SAXO1: variants seen among roughly 807,000 people sequenced by gnomAD.
SAXO1 encodes stabilizer of axonemal microtubules 1.
Under a neutral mutation model 17.5 loss-of-function variants are expected in SAXO1, and 21 were observed. The ratio of observed to expected loss-of-function variants is 1.20; its 90% CI spans 0.85 to 1.72. SAXO1 has a LOEUF of 1.72. SAXO1 is among the 40% of genes most tolerant of loss of function. The probability of loss-of-function intolerance (pLI) is 0.00; values close to 1 mark genes in which losing one functional copy is unlikely to be tolerated. For missense variants in SAXO1, 843 were observed against 596.0 expected, an observed-to-expected ratio of 1.41 and a Z score of -4.32; for synonymous variants, 274 against 216.5, an observed-to-expected ratio of 1.27 and a Z score of -2.33.
chr9:19,032,978 CACCTGTCTTGGGGCACGCCCAGGCTCG>C lies in SAXO1; in HGVS notation c.-97_-71del. The C allele has an allele frequency of 1.3e-5, 19 of 1,517,600 alleles. No individual in the cohort carries two copies. The highest frequency in any genetic ancestry group is 1.7e-5 in the Non-Finnish European group (19 of 1,121,292). 94.0% of individuals were successfully genotyped at this position (1,517,600 alleles called of 1,614,324 possible). On this transcript the variant is annotated 5_prime_UTR_variant, in exon 1 of 4. Coordinates refer to ENST00000380534, the MANE Select transcript of SAXO1 (RefSeq NM_153707.4). ...CTGCAGCCGACTCCTAGACCCCAAC[CACCTGTCTTGGGGCACGCCCAGGCTCG>C]AGGGTCTTGGCAGGTGTTCTGTTTA... is the stretch of plus-strand genomic sequence containing the variant.
chr9:18,998,945 C>G (rs1377875367), intron 1 of SAXO1, among the ~76,000 whole-genome samples: 1 of 152,162 alleles, frequency 6.6e-6, no homozygotes, highest in Non-Finnish European at 1.5e-5. Context: ...TACAAGAGCT[C>G]CTGAAGGAAG....
At chr9:19,022,888 C>T (rs991077661) in intron 1 of SAXO1, among the ~76,000 whole-genome samples, 3 of 152,126 alleles carry the variant, frequency 2.0e-5, no homozygotes, top group Admixed American at 1.3e-4. Context: ...GTAGGGTATG[C>T]TATGCAGGGA....
intron 1 of SAXO1, among the ~76,000 whole-genome samples, chr9:19,006,840 G>T (rs563428685): frequency 6.6e-6 from 1 of 152,044 alleles, no homozygotes; most frequent in Admixed American, 6.5e-5. Flanking sequence ...GAGGTCAAGC[G>T]TTCAAGACCA....
At position 18,928,425 on chromosome 9, in the gene SAXO1, C is replaced by A. The variant is rs142952841; in HGVS notation, c.1052G>T (p.Arg351Leu). ...KDDYKQWSSM[R>L]TEPVKPVPQL... ...GGGAACGGGCTTGACTGGCTCTGTG[C>A]GCATGCTGGACCACTGCTTGTAGTC... Residue 351 changes from arginine (R) to leucine (L), a missense_variant, in exon 4 of 4, where the codon CGC becomes CTC. By Grantham distance (102) the Arg-to-Leu change is moderately radical. Coordinates refer to ENST00000380534, the MANE Select transcript of SAXO1 (RefSeq NM_153707.4). 8.7e-6 allele frequency: 14 copies of A among 1,607,676 alleles called. No homozygotes were observed. In the Admixed American group the frequency reaches 1.3e-4, roughly 15 times the overall value.
chr9:18,939,875 G>T (rs181925028), intron 3 of SAXO1, among the ~76,000 whole-genome samples: 41 of 152,300 alleles, frequency 2.7e-4, no homozygotes, highest in African/African-American at 9.6e-4. Flanking sequence ...CAAAGGAGTG[G>T]TCAGATCAGA....
intron 3 of SAXO1, among the ~76,000 whole-genome samples, chr9:18,934,732 T>G (rs1156252132): frequency 6.6e-6 from 1 of 152,218 alleles, no homozygotes; most frequent in East Asian, 1.9e-4. Flanking sequence ...TTTTCACATC[T>G]TACAATTTTT....
chr9:19,008,438 C>G (rs1159510428), intron 1 of SAXO1, among the ~76,000 whole-genome samples: 1 of 152,164 alleles, frequency 6.6e-6, no homozygotes, highest in African/African-American at 2.4e-5. Flanking sequence ...TCAGATTGAA[C>G]TGACCTTTAC....
intron 1 of SAXO1, among the ~76,000 whole-genome samples, chr9:19,009,254 A>C (rs1053792309): frequency 1.3e-5 from 2 of 152,302 alleles, no homozygotes; most frequent in East Asian, 3.9e-4. Flanking sequence ...TTTAAAAAAA[A>C]AATTTAATCC....
Position 19,045,179 on chromosome 9 carries a change from G to A in SAXO1, c.-158+4030C>T, listed in dbSNP as rs537652836. Among the ~76,000 whole-genome samples, 301 of 150,508 alleles carry A rather than the reference G, an allele frequency of 2.0e-3. 1 individual carries two copies. The highest frequency in any genetic ancestry group is 3.8e-3 in the Non-Finnish European group (258 of 67,656). The stretch of plus-strand genomic sequence containing the variant: ...CAAAAAATTAGCCGGGCGCGGTGGC[G>A]GGCGCCTGTAGTCCCAGCTACTCGG... On this transcript the variant is annotated intron_variant, in intron 1 of 3. Transcript: ENST00000542071.
At chr9:19,039,368 T>G (rs573595647) in intron 1 of SAXO1, among the ~76,000 whole-genome samples, 5 of 152,292 alleles carry the variant, frequency 3.3e-5, no homozygotes, top group Admixed American at 2.6e-4. Flanking sequence ...CTCTCAAAGT[T>G]TGAGGTTAAA....
At chr9:18,954,255 G>C (rs1249560841) in intron 1 of SAXO1, among the ~76,000 whole-genome samples, 1 of 152,094 alleles carries the variant, frequency 6.6e-6, no homozygotes, top group East Asian at 1.9e-4. Context: ...ATGGATCTCA[G>C]AAATAATTAA....
rs78081896 is a variant in SAXO1, at chr9:18,996,953, T to A, written c.38+35918A>T. 3.0e-3 allele frequency among the ~76,000 whole-genome samples: 461 copies of A among 151,210 alleles called. 8 individuals are homozygous for A. The South Asian group carries it at 0.045, about 15-fold the overall frequency. ...TCATATGTAAAACCCAAAAAAAAAA[T>A]CTAGGCAAATTTAGGAGGCACTTCC... On this transcript the variant is annotated intron_variant, in intron 1 of 3. Transcript: ENST00000380534.
chr9:18,945,909 T>C (rs1053258296), intron 2 of SAXO1, among the ~76,000 whole-genome samples: 1 of 152,136 alleles, frequency 6.6e-6, no homozygotes, highest in Admixed American at 6.5e-5. Context: ...AGCCTGAAGG[T>C]CAGCTCCAGT....
At chr9:19,042,979 C>G (rs1836113812) in intron 1 of SAXO1, among the ~76,000 whole-genome samples, 1 of 151,760 alleles carries the variant, frequency 6.6e-6, no homozygotes, top group Non-Finnish European at 1.5e-5. Context: ...TGAGACCACG[C>G]TGGGAAATAT....
intron 3 of SAXO1, among the ~76,000 whole-genome samples, chr9:18,935,320 G>C (rs975262920): frequency 6.6e-6 from 1 of 152,128 alleles, no homozygotes; most frequent in Non-Finnish European, 1.5e-5. Flanking sequence ...TGCCAATGGA[G>C]CTGTGTGTGG....
intron 1 of SAXO1, among the ~76,000 whole-genome samples, chr9:19,047,025 A>G (rs898457036): frequency 1.3e-5 from 2 of 152,148 alleles, no homozygotes; most frequent in African/African-American, 4.8e-5. Context: ...CCTCTCTACT[A>G]AAAATACAAA....
At chr9:18,976,122 G>A (rs1394140567) in intron 1 of SAXO1, among the ~76,000 whole-genome samples, 1 of 152,192 alleles carries the variant, frequency 6.6e-6, no homozygotes, top group Non-Finnish European at 1.5e-5. Context: ...GCACCCATGT[G>A]TGCACACATA....
At chr9:18,936,800 C>G (rs10963849) in intron 3 of SAXO1, among the ~76,000 whole-genome samples, 2,684 of 152,318 alleles carry the variant, frequency 0.018, 37 homozygotes, top group Non-Finnish European at 0.027. Flanking sequence ...TAATTACACT[C>G]TCAATCTTTC....
At chr9:19,008,481 A>G (rs555885908) in intron 1 of SAXO1, among the ~76,000 whole-genome samples, 15 of 152,274 alleles carry the variant, frequency 9.9e-5, no homozygotes, top group African/African-American at 3.6e-4. Context: ...TTCTGGAAGG[A>G]GCAGAAAGCT....
Sources: gnomAD v4.1 joint callset for allele counts (sites outside exome capture counted in the v4.1 genomes callset) on GRCh38, gnomAD v4.1.1 for gene constraint, MANE v1.5 for transcripts, NCBI Gene and HGNC (gene_info 2026-07-23, HGNC 2026-07-21) for gene names.